The following BACE2 variants were observed in gnomAD, a reference collection of about 807,000 sequenced individuals.
BACE2 encodes 56 kDa aspartic-like protease.
In BACE2, 17 loss-of-function variants were observed where a neutral mutation model predicts 46.2. That is an observed-to-expected ratio of 0.37 (90% CI 0.25 to 0.55). BACE2 has a LOEUF of 0.55. Among genes scored for constraint, BACE2 ranks in the 20% least tolerant of loss-of-function variants. The pLI is 0.82. For missense variants in BACE2, 595 were observed against 698.1 expected (o/e 0.85, Z 1.66); for synonymous variants, 277 against 295.9 (o/e 0.94, Z 0.66).
chr21:41,282,329 G>T lies in BACE2; in HGVS notation c.*6705G>T, dbSNP rs975040317. 1 of 152,202 alleles carries T rather than the reference G, an allele frequency of 6.6e-6. No homozygotes were observed. Among genetic ancestry groups the T allele is most frequent in the Non-Finnish European group, 1.5e-5 (1 of 68,036 alleles). 9.4% of individuals were successfully genotyped at this position (152,202 alleles called of 1,614,324 possible). On this transcript the variant is annotated 3_prime_UTR_variant, in exon 9 of 9. Coordinates refer to ENST00000330333, the MANE Select transcript of BACE2 (RefSeq NM_012105.5). Reference sequence around the variant, plus strand: ...ATTTAAAAATGTAATAAGACCAAGAGTTGGAGTAAAGGGATATTCATTCCA... The same window carrying T: ...ATTTAAAAATGTAATAAGACCAAGATTTGGAGTAAAGGGATATTCATTCCA...
At chr21:41,206,814 A>C (rs1192839128) in intron 1 of BACE2, among the ~76,000 whole-genome samples, 1 of 152,246 alleles carries the variant, frequency 6.6e-6, no homozygotes, top group Admixed American at 6.5e-5. Flanking sequence ...CACATTTTAG[A>C]AAAAATGAAT....
At chr21:41,241,707 A>C (rs1987294007) in intron 3 of BACE2, 112 bp from the exon 4 acceptor site, 2 of 1,306,504 alleles carry the variant, frequency 1.5e-6, no homozygotes, top group Non-Finnish European at 2.1e-6. Context: ...GAACCATGAA[A>C]AAATTGAGTA....
chr21:41,200,334 A>G (rs1210019636), intron 1 of BACE2, among the ~76,000 whole-genome samples: 2 of 152,022 alleles, frequency 1.3e-5, no homozygotes, highest in East Asian at 3.9e-4. Context: ...CTGTCCAAAT[A>G]TTTCGATCAT....
intron 2 of BACE2, among the ~76,000 whole-genome samples, chr21:41,232,868 A>AT (rs142089135): frequency 0.13 from 17,764 of 137,966 alleles, 1,245 homozygotes; most frequent in South Asian, 0.19. Context: ...ACAGACTTGA[A>AT]TTTTTTTTTT....
At chr21:41,257,052 C>T (rs756200078) in intron 7 of BACE2, 106 bp from the exon 8 acceptor site, 177 of 1,285,696 alleles carry the variant, frequency 1.4e-4, no homozygotes, top group Middle Eastern at 3.8e-4. Flanking sequence ...TGACTCCCCC[C>T]AGCGCCTGGG....
At chr21:41,227,175 TA>T (rs1315493235) in intron 2 of BACE2, among the ~76,000 whole-genome samples, 1 of 152,260 alleles carries the variant, frequency 6.6e-6, no homozygotes, top group Admixed American at 6.5e-5. Flanking sequence ...TTCTGAAATT[TA>T]AATTCAACAG....
chr21:41,232,141 T>C (rs745805143), intron 2 of BACE2, among the ~76,000 whole-genome samples: 4 of 152,136 alleles, frequency 2.6e-5, no homozygotes, highest in Non-Finnish European at 5.9e-5. Flanking sequence ...TCAGTTGCAC[T>C]ATAATCGCAT....
Position 41,278,188 on chromosome 21 carries a change from G to A in BACE2, c.*2564G>A, listed in dbSNP as rs1026684218. ...CTGAAAAGGTGCAACTTAGCATTAGGTTGTTATCAGAAACCTTGTCAAGTC... is the reference window on the plus strand; with the variant it reads ...CTGAAAAGGTGCAACTTAGCATTAGATTGTTATCAGAAACCTTGTCAAGTC... On this transcript the variant is annotated 3_prime_UTR_variant, in exon 9 of 9. Coordinates refer to ENST00000330333, the MANE Select transcript of BACE2 (RefSeq NM_012105.5). The A allele has an allele frequency of 3.9e-5, 6 of 152,222 alleles. No individual in the cohort carries two copies. Among genetic ancestry groups the A allele is most frequent in the Admixed American group, 2.6e-4 (4 of 15,280 alleles). The allele number at this position is 152,222 out of a possible 1,614,324, so 9.4% of individuals were successfully genotyped here.
chr21:41,179,020 G>T, intron 1 of BACE2: 2 of 1,032,272 alleles, frequency 1.9e-6, no homozygotes, highest in Non-Finnish European at 2.5e-6. Context: ...GCCTTCAGAA[G>T]TTAGGGAAAG....
At chr21:41,212,276 G>A (rs1044920804) in intron 1 of BACE2, among the ~76,000 whole-genome samples, 11 of 152,292 alleles carry the variant, frequency 7.2e-5, no homozygotes, top group Middle Eastern at 6.8e-3. Flanking sequence ...ATGAGCGAGC[G>A]CTCTCACGTA....
intron 7 of BACE2, among the ~76,000 whole-genome samples, chr21:41,251,439 G>C (rs765406433): frequency 1.3e-5 from 2 of 152,190 alleles, no homozygotes; most frequent in African/African-American, 4.8e-5. Context: ...AAGGAAAAGG[G>C]AAGACCTGGA....
chr21:41,203,610 C>T (rs1026724141), intron 1 of BACE2, among the ~76,000 whole-genome samples: 34 of 152,114 alleles, frequency 2.2e-4, no homozygotes, highest in Admixed American at 1.6e-3. Flanking sequence ...AGCAGCTGAT[C>T]ATGCCTCTGG....
intron 2 of BACE2, among the ~76,000 whole-genome samples, chr21:41,236,181 T>C (rs1429185206): frequency 1.3e-5 from 2 of 152,202 alleles, no homozygotes; most frequent in African/African-American, 2.4e-5. Flanking sequence ...CAAACTCAAA[T>C]GGGCATAGGA....
At chr21:41,253,352 G>A (rs994359119) in intron 7 of BACE2, among the ~76,000 whole-genome samples, 2 of 150,902 alleles carry the variant, frequency 1.3e-5, no homozygotes, top group African/African-American at 4.9e-5. Flanking sequence ...TAAGGCAGGA[G>A]AGTCGCTTGA....
intron 8 of BACE2, among the ~76,000 whole-genome samples, chr21:41,263,054 C>T (rs2123638446): frequency 6.6e-6 from 1 of 152,074 alleles, no homozygotes; most frequent in Non-Finnish European, 1.5e-5. Flanking sequence ...TTTTTTCTTA[C>T]TTTAAAGAAA....
intron 1 of BACE2, among the ~76,000 whole-genome samples, chr21:41,220,288 T>G (rs1986603918): frequency 6.6e-6 from 1 of 152,174 alleles, no homozygotes; most frequent in African/African-American, 2.4e-5. Context: ...TGGGGTTTTG[T>G]GGAAGCTTCG....
chr21:41,259,821 CTTTTTTTATTTTATTTTTTA>C (rs1342531433), intron 8 of BACE2, among the ~76,000 whole-genome samples: 2 of 151,212 alleles, frequency 1.3e-5, no homozygotes, highest in Non-Finnish European at 2.9e-5. Flanking sequence ...TCTTTTTTTT[CTTTTTTTATTTTATTTTTTA>C]TTTTTAGACA....
At position 41,237,734 on chromosome 21, in the gene BACE2, G is replaced by C. The variant is rs373154219; in HGVS notation, c.618+5G>C. 1.2e-6 allele frequency: 2 copies of C among 1,609,142 alleles called. No individual in the cohort carries two copies. The highest frequency in any genetic ancestry group is 1.7e-6 in the Non-Finnish European group (2 of 1,175,536). On this transcript the variant is annotated splice_donor_5th_base_variant and intron_variant, in intron 3 of 8. Transcript: ENST00000330333. ...GCTTATGCCACACTTGCCAAGGTAA[G>C]GCTAATCCATGGATTTAAGGAAATC... is the stretch of plus-strand genomic sequence containing the variant.
intron 1 of BACE2, among the ~76,000 whole-genome samples, chr21:41,220,411 C>G (rs965626185): frequency 6.6e-6 from 1 of 152,188 alleles, no homozygotes; most frequent in Non-Finnish European, 1.5e-5. Flanking sequence ...CCTCTAATCC[C>G]GCCTTGCTCT....
Sources: gnomAD v4.1 joint callset for allele counts (sites outside exome capture counted in the v4.1 genomes callset) on GRCh38, gnomAD v4.1.1 for gene constraint, MANE v1.5 for transcripts, NCBI Gene and HGNC (gene_info 2026-07-23, HGNC 2026-07-21) for gene names.